The following GBGT1 variants were observed in gnomAD, a reference collection of about 807,000 sequenced individuals.
GBGT1 encodes the protein globoside alpha-1,3-N-acetylgalactosaminyltransferase 1 (FORS blood group).
A neutral mutation model predicts 20.9 loss-of-function variants in GBGT1; 18 were observed. The observed-to-expected ratio is 0.86, with a 90% CI of 0.60 to 1.28. The LOEUF (loss-of-function observed/expected upper bound fraction) is 1.28. GBGT1 is among the 50% of genes most tolerant of loss of function. GBGT1 has a pLI of 0.00. For missense variants in GBGT1, 432 were observed against 455.7 expected (o/e 0.95, Z 0.47); for synonymous variants, 168 against 180.8 (o/e 0.93, Z 0.57).
rs1588585247 is a variant in GBGT1, at chr9:133,156,167, A to C, written c.138-102T>G. 3 of 1,314,648 alleles carry C rather than the reference A, an allele frequency of 2.3e-6. No homozygotes were observed. In the East Asian group the frequency reaches 7.5e-5, roughly 33 times the overall value. 81.4% of individuals were successfully genotyped at this position (1,314,648 alleles called of 1,614,324 possible). A position where few individuals can be genotyped will look rare whatever the true frequency, so the allele number is the denominator to read the frequency against. ...CAGAGGCCCCTGCGGGTGGGCACCCAGGGTCCATGCAGGCTCCCTCTGACC... is the reference window on the plus strand; with the variant it reads ...CAGAGGCCCCTGCGGGTGGGCACCCCGGGTCCATGCAGGCTCCCTCTGACC... On this transcript the variant is annotated intron_variant, in intron 3 of 6. Coordinates refer to ENST00000372040, the MANE Select transcript of GBGT1 (RefSeq NM_021996.6).
Position 133,153,500 on chromosome 9 carries a change from G to T in GBGT1, c.*77C>A. 9.3e-7 allele frequency: 1 copy of T among 1,071,858 alleles called. No homozygotes were observed. The highest frequency in any genetic ancestry group is 1.4e-6 in the Non-Finnish European group (1 of 735,846). 66.4% of individuals were successfully genotyped at this position (1,071,858 alleles called of 1,614,324 possible). ...CTGACTGACAGGGAGGCGGGACAGG[G>T]CTGGTCTGCACGCTAGTGAAGCACT... is the stretch of plus-strand genomic sequence containing the variant. On this transcript the variant is annotated 3_prime_UTR_variant, in exon 7 of 7. Coordinates refer to ENST00000372040, the MANE Select transcript of GBGT1 (RefSeq NM_021996.6).
At position 133,154,016 on chromosome 9, in the gene GBGT1, A is replaced by G. The variant is rs748593911; in HGVS notation, c.605T>C (p.Leu202Pro). The change falls in exon 7 of 7, where the codon CTC becomes CCC. Residue 202 changes from leucine (L) to proline (P), a missense_variant. By Grantham distance (98) the Leu-to-Pro change is moderately conservative (BLOSUM62 -3). Transcript: ENST00000372040. This position sits in a 1 kb window ranked among gnomAD's most constrained non-coding sequence, Gnocchi z 4.2. Reference sequence around the variant, plus strand: ...CACCATGTCCACATCAAGGCAGAAGAGGTAGTCCACCTCCCGGTGAGCCCT... The same window carrying G: ...CACCATGTCCACATCAAGGCAGAAGGGGTAGTCCACCTCCCGGTGAGCCCT... ...AKRAHREVDYLFCLDVDMVFR... is the reference protein window; with the variant it reads ...AKRAHREVDYPFCLDVDMVFR... 5.0e-6 allele frequency: 8 copies of G among 1,613,718 alleles called. No individual in the cohort carries two copies. The African/African-American group carries it at 8.0e-5, about 16-fold the overall frequency.
chr9:133,162,563 T>A, intron 1 of GBGT1, 31 bp from the exon 2 acceptor site: 1 of 666,584 alleles, frequency 1.5e-6, no homozygotes, highest in Non-Finnish European at 2.7e-6. Context: ...TGTTTTGAGA[T>A]AGAGTTTCAC....
At position 133,155,281 on chromosome 9, in the gene GBGT1, A is replaced by T. The variant is rs1832838164; in HGVS notation, c.256T>A (p.Leu86Met). 1 of 1,613,880 alleles carries T rather than the reference A, an allele frequency of 6.2e-7. No homozygotes were observed. Among genetic ancestry groups the T allele is most frequent in the Non-Finnish European group, 8.5e-7 (1 of 1,179,958 alleles). The change falls in exon 6 of 7, where the codon TTG becomes ATG. Residue 86 changes from leucine to methionine, a missense_variant. Physicochemically the swap from Leu to Met is conservative, Grantham distance 15. Transcript: ENST00000372040. ...GTTCCCTCGGAGACGATGGGCGCCAACCAGGGTGTGAGTGTCAGCAGCTGT... is the reference window on the plus strand; with the variant it reads ...GTTCCCTCGGAGACGATGGGCGCCATCCAGGGTGTGAGTGTCAGCAGCTGT... The part of the protein sequence containing the change: ...PTQLLTLTPW[L>M]APIVSEGTFN...
chr9:133,161,014 A>AG, intron 3 of GBGT1: 1 of 149,842 alleles, frequency 6.7e-6, no homozygotes, highest in African/African-American at 5.2e-5. Context: ...TGACTCAAGA[A>AG]AAAAAAAAAA....
At chr9:133,156,390 G>A (rs779359047) in intron 3 of GBGT1, among the ~76,000 whole-genome samples, 9 of 152,188 alleles carry the variant, frequency 5.9e-5, no homozygotes, top group Non-Finnish European at 8.8e-5. Context: ...GGCCAGGCGC[G>A]GTGGCTCACG....
intron 3 of GBGT1, chr9:133,160,947 T>G (rs1306615388): frequency 1.3e-5 from 4 of 301,690 alleles, no homozygotes; most frequent in African/African-American, 2.2e-5. Flanking sequence ...GAGGTGGAGG[T>G]TGCTGTGAGC....
Position 133,153,633 on chromosome 9 carries a change from G to A in GBGT1, c.988C>T (p.Leu330=), listed in dbSNP as rs1317977859. 28 of 1,604,978 alleles carry A rather than the reference G, an allele frequency of 1.7e-5. No homozygotes were observed. Among genetic ancestry groups the A allele is most frequent in the Non-Finnish European group, 2.4e-5 (28 of 1,175,280 alleles). The change falls in exon 7 of 7, where the codon CTG becomes TTG. Residue 330 remains leucine, a synonymous_variant. Coordinates refer to ENST00000372040, the MANE Select transcript of GBGT1 (RefSeq NM_021996.6). ...AGTGTAGAAAAGCGGATCAGCTTCA[G>A]GCTGGGTGGCTGGGGCTTCCTGTCG... ...WDDRKPQPPS[L]KLIRFSTLDK...
In GBGT1 at chr9:133,155,282, C is replaced by T; in HGVS notation, c.255G>A (p.Trp85Ter). The T allele has an allele frequency of 6.2e-7, 1 of 1,613,986 alleles. No homozygotes were observed. The highest frequency in any genetic ancestry group is 8.5e-7 in the Non-Finnish European group (1 of 1,179,972). The change falls in exon 6 of 7, where the codon TGG becomes TGA. Residue 85 changes from tryptophan to a stop codon, truncating the protein, a stop_gained. Transcript: ENST00000372040. LOFTEE classifies it high-confidence loss of function. ...TTCCCTCGGAGACGATGGGCGCCAA[C>T]CAGGGTGTGAGTGTCAGCAGCTGTG... ...RPTQLLTLTP[W>*]LAPIVSEGTF...
intron 5 of GBGT1, 22 bp from the exon 6 acceptor site, chr9:133,155,334 G>A: frequency 6.2e-7 from 1 of 1,613,188 alleles, no homozygotes. Flanking sequence ...GGGGCCGTGG[G>A]CACTGAGACC....
In GBGT1 at chr9:133,155,834, C is replaced by T. The variant is rs968838891; in HGVS notation, c.224+67G>A. 1.7e-5 allele frequency: 26 copies of T among 1,543,638 alleles called. No individual in the cohort carries two copies. In the African/African-American group the frequency reaches 3.3e-4, roughly 19 times the overall value. ...CCTGATGTTAGCACCTCCACTACCC[C>T]ACCTTATAAATCAGAGCTCTTTTGT... On this transcript the variant is annotated intron_variant, in intron 5 of 6. Transcript: ENST00000372040.
chr9:133,158,827 C>T (rs1212804861), intron 3 of GBGT1, among the ~76,000 whole-genome samples: 2 of 152,180 alleles, frequency 1.3e-5, no homozygotes, highest in African/African-American at 2.4e-5. Context: ...CATTAAACAA[C>T]AGCTTGCCGT....
intron 5 of GBGT1, 72 bp from the exon 6 acceptor site, chr9:133,155,384 C>G (rs1588584221): frequency 6.3e-7 from 1 of 1,584,688 alleles, no homozygotes; most frequent in Non-Finnish European, 8.6e-7. Context: ...AGCCCTGGCT[C>G]TCACACTGTG....
intron 3 of GBGT1, among the ~76,000 whole-genome samples, chr9:133,158,974 T>C (rs1357132506): frequency 6.6e-6 from 1 of 152,140 alleles, no homozygotes; most frequent in Non-Finnish European, 1.5e-5. Flanking sequence ...TTTTCTTTTT[T>C]TAGATGGAGT....
chr9:133,153,525 T>C lies in GBGT1; in HGVS notation c.*52A>G. 1 of 1,334,218 alleles carries C rather than the reference T, an allele frequency of 7.5e-7. No individual in the cohort carries two copies. The highest frequency in any genetic ancestry group is 1.0e-6 in the Non-Finnish European group (1 of 969,076). 82.6% of individuals were successfully genotyped at this position (1,334,218 alleles called of 1,614,324 possible). ...GCTGGTCTGCACGCTAGTGAAGCAC[T>C]GGTGGCTGCAGGTCTTTGGGTCCCC... On this transcript the variant is annotated 3_prime_UTR_variant, in exon 7 of 7. Coordinates refer to ENST00000372040, the MANE Select transcript of GBGT1 (RefSeq NM_021996.6).
In GBGT1 at chr9:133,163,864, T is replaced by A. The variant is rs1588595458; in HGVS notation, c.-231A>T. On this transcript the variant is annotated 5_prime_UTR_variant, in exon 1 of 7. Coordinates refer to ENST00000372040, the MANE Select transcript of GBGT1 (RefSeq NM_021996.6). ...ATACCCGGGCGATCGGCGGCGCAGG[T>A]GGAGCCTGGAGCAGGGCAGGCAGCG... The A allele has an allele frequency of 6.6e-6, 1 of 152,338 alleles. No individual in the cohort carries two copies. Among genetic ancestry groups the A allele is most frequent in the Admixed American group, 6.5e-5 (1 of 15,288 alleles). 9.4% of individuals were successfully genotyped at this position (152,338 alleles called of 1,614,324 possible).
rs746716790 is a variant in GBGT1 at position 133,154,578 on chromosome 9, C to G, written c.360-317G>C. On this transcript the variant is annotated intron_variant, in intron 6 of 6. Transcript: ENST00000372040. The surrounding 1 kb of genome is among the most constrained non-coding windows in gnomAD (Gnocchi z 4.2). ...GATCTGCATAAGCATGCCCATTTTA[C>G]AGGCAGGAACATTGAGGATCACAGA... 1 of 246,316 alleles carries G rather than the reference C, an allele frequency of 4.1e-6. No homozygotes were observed. The highest frequency in any genetic ancestry group is 7.8e-6 in the Non-Finnish European group (1 of 128,940). 15.3% of individuals were successfully genotyped at this position (246,316 alleles called of 1,614,324 possible). A position where few individuals can be genotyped will look rare whatever the true frequency, so the allele number is the denominator to read the frequency against.
chr9:133,155,407 G>A, intron 5 of GBGT1, 95 bp from the exon 6 acceptor site: 1 of 1,458,084 alleles, frequency 6.9e-7, no homozygotes, highest in South Asian at 1.2e-5. Context: ...ACCCGGGGCA[G>A]CTTCGTCCCC....
At chr9:133,161,854 G>A (rs1425191933) in intron 2 of GBGT1, among the ~76,000 whole-genome samples, 1 of 152,264 alleles carries the variant, frequency 6.6e-6, no homozygotes, top group African/African-American at 2.4e-5. Flanking sequence ...GACAGAAACA[G>A]AGGGTGAATT....
Sources: gnomAD v4.1 joint callset for allele counts (sites outside exome capture counted in the v4.1 genomes callset) on GRCh38, gnomAD v4.1.1 for gene constraint, Gnocchi (gnomAD v3.1) non-coding constraint, MANE v1.5 for transcripts, NCBI Gene and HGNC (gene_info 2026-07-23, HGNC 2026-07-21) for gene names.